Variants in IGSF11 observed in about 807,000 individuals in gnomAD.
The protein encoded by IGSF11 is CXADR like 1.
Under a neutral mutation model 41.0 loss-of-function variants are expected in IGSF11, and 22 were observed. The ratio of observed to expected loss-of-function variants is 0.54; its 90% CI spans 0.38 to 0.77. The LOEUF (loss-of-function observed/expected upper bound fraction) is 0.77, where lower values mean the gene tolerates loss of function less well. Ranked by LOEUF, IGSF11 falls within the 30% of genes least tolerant of loss-of-function variation. The pLI, the probability that IGSF11 is intolerant of heterozygous loss-of-function variation, is 0.00. For missense variants in IGSF11, 444 were observed against 530.8 expected (o/e 0.84, Z 1.61); for synonymous variants, 219 against 201.3 (o/e 1.09, Z -0.74).
chr3:119,057,322 C>A (rs1188001977), intron 1 of IGSF11, among the ~76,000 whole-genome samples: 1 of 152,106 alleles, frequency 6.6e-6, no homozygotes, highest in Non-Finnish European at 1.5e-5. Flanking sequence ...TTCTTATACA[C>A]CAATAACAGA....
chr3:119,014,594 T>C lies in IGSF11; in HGVS notation c.52+19937A>G, dbSNP rs2107700534. ...AAAAGTAACTGAAATATTGCTTAGT[T>C]TTATTATTTCACTCATGTTATTGGA... On this transcript the variant is annotated intron_variant, in intron 1 of 6. Transcript: ENST00000393775. Among the ~76,000 whole-genome samples, 3 of 152,320 alleles carry C rather than the reference T, an allele frequency of 2.0e-5. No homozygotes were observed. The Middle Eastern group carries it at 0.01, about 518-fold the overall frequency.
rs72968642 is a variant in IGSF11 at position 118,979,335 on chromosome 3, T to C, written c.53-49060A>G. On this transcript the variant is annotated intron_variant, in intron 1 of 6. Coordinates refer to ENST00000393775, the MANE Select transcript of IGSF11 (RefSeq NM_001015887.3). ...AAAAGAGAATGAGTTAGAAAAACTATTTAATAAAATAACAGATGAAAACTT... is the reference window on the plus strand; with the variant it reads ...AAAAGAGAATGAGTTAGAAAAACTACTTAATAAAATAACAGATGAAAACTT... Among the ~76,000 whole-genome samples, 761 of 152,216 alleles carry C rather than the reference T, an allele frequency of 5.0e-3. 4 individuals carry two copies. Among genetic ancestry groups the C allele is most frequent in the African/African-American group, 0.017 (716 of 41,534 alleles).
intron 1 of IGSF11, among the ~76,000 whole-genome samples, chr3:119,125,626 G>A (rs367981634): frequency 5.9e-5 from 9 of 152,246 alleles, no homozygotes; most frequent in African/African-American, 1.9e-4. Context: ...GGAATGTCAC[G>A]ATGGCCTGAC....
chr3:118,931,078 T>C (rs1264742133), intron 1 of IGSF11, among the ~76,000 whole-genome samples: 1 of 152,208 alleles, frequency 6.6e-6, no homozygotes, highest in Non-Finnish European at 1.5e-5. Flanking sequence ...TTTATATTTA[T>C]GGTCAAATGC....
chr3:118,939,867 G>A (rs1360469581), intron 1 of IGSF11, among the ~76,000 whole-genome samples: 1 of 151,978 alleles, frequency 6.6e-6, no homozygotes, highest in Non-Finnish European at 1.5e-5. Context: ...AGACAGAGTA[G>A]AATTCAATAA....
chr3:119,105,134 A>G (rs368052678), intron 1 of IGSF11: 1 of 1,584,886 alleles, frequency 6.3e-7, no homozygotes, highest in Non-Finnish European at 8.7e-7. Context: ...TCCAATGTCA[A>G]GTCACTAACC....
chr3:119,118,453 G>A (rs1184570704), intron 1 of IGSF11, among the ~76,000 whole-genome samples: 2 of 152,298 alleles, frequency 1.3e-5, no homozygotes, highest in South Asian at 2.1e-4. Flanking sequence ...GAGTGGCTGG[G>A]ATGCAAGGCA....
At chr3:118,982,301 C>A (rs1047108364) in intron 1 of IGSF11, among the ~76,000 whole-genome samples, 3 of 152,186 alleles carry the variant, frequency 2.0e-5, no homozygotes, top group Admixed American at 6.5e-5. Context: ...GAGGAAAATA[C>A]AACATCCACT....
chr3:118,989,308 A>G (rs1224235166), intron 1 of IGSF11, among the ~76,000 whole-genome samples: 1 of 152,196 alleles, frequency 6.6e-6, no homozygotes, highest in Non-Finnish European at 1.5e-5. Context: ...CCACAAGAAG[A>G]TGGCTAAATA....
chr3:119,055,513 T>C (rs1254010353), intron 1 of IGSF11, among the ~76,000 whole-genome samples: 3 of 151,794 alleles, frequency 2.0e-5, no homozygotes, highest in Non-Finnish European at 2.9e-5. Context: ...TCCTACACAG[T>C]AATAATGGGA....
intron 1 of IGSF11, among the ~76,000 whole-genome samples, chr3:119,024,238 G>C (rs1228496488): frequency 6.6e-6 from 1 of 152,020 alleles, no homozygotes; most frequent in Non-Finnish European, 1.5e-5. Flanking sequence ...TGAGGACAAC[G>C]AAATCACAAA....
At chr3:118,936,977 T>C (rs1943332951) in intron 1 of IGSF11, among the ~76,000 whole-genome samples, 1 of 152,190 alleles carries the variant, frequency 6.6e-6, no homozygotes, top group South Asian at 2.1e-4. Context: ...AGATTGAACG[T>C]TGGATGTTCA....
upstream of IGSF11, among the ~76,000 whole-genome samples, chr3:119,108,405 A>G (rs2077075570): frequency 1.4e-5 from 2 of 147,172 alleles, no homozygotes; most frequent in African/African-American, 5.0e-5. Flanking sequence ...TTATTGGTGT[A>G]TAAGAATGCT....
intron 1 of IGSF11, among the ~76,000 whole-genome samples, chr3:119,131,007 T>C (rs1158848638): frequency 6.6e-6 from 1 of 151,736 alleles, no homozygotes; most frequent in African/African-American, 2.4e-5. Context: ...AGAATCAACA[T>C]CAACAACAAA....
chr3:118,972,581 C>T (rs924715176), intron 1 of IGSF11, among the ~76,000 whole-genome samples: 1 of 152,064 alleles, frequency 6.6e-6, no homozygotes, highest in African/African-American at 2.4e-5. Flanking sequence ...ATTAATTTGC[C>T]ATTTAGAAAC....
At chr3:118,942,290 CCT>C (rs899113119) in intron 1 of IGSF11, among the ~76,000 whole-genome samples, 3 of 152,088 alleles carry the variant, frequency 2.0e-5, no homozygotes, top group African/African-American at 4.8e-5. Context: ...TGCAACTGTC[CCT>C]GTCACCAAAC....
rs145197365 is a variant in IGSF11 at position 119,023,698 on chromosome 3, T to C, written c.52+10833A>G. ...ACATGAATTAGTTCACTTGCCACAG[T>C]TGGGATAAATACAATGAAAAGGACT... On this transcript the variant is annotated intron_variant, in intron 1 of 6. Transcript: ENST00000393775. 5.2e-4 allele frequency among the ~76,000 whole-genome samples: 79 copies of C among 152,224 alleles called. No homozygotes were observed. In the East Asian group the frequency reaches 6.8e-3, roughly 13 times the overall value.
intron 4 of IGSF11, among the ~76,000 whole-genome samples, chr3:118,911,855 C>T (rs1165008505): frequency 6.6e-6 from 1 of 151,948 alleles, no homozygotes; most frequent in Non-Finnish European, 1.5e-5. Context: ...CAGTCTTCTC[C>T]CTTGTAACAT....
Position 118,902,613 on chromosome 3 carries a change from A to T in IGSF11, c.1203T>A (p.Thr401=), listed in dbSNP as rs978772436. 8.1e-6 allele frequency: 13 copies of T among 1,613,872 alleles called. No homozygotes were observed. The African/African-American group carries it at 1.2e-4, about 15-fold the overall frequency. ...TTGCGTGGCTGATGGTGTAGGAATG[A>T]GTGTGTGGAGGCCGAGGCTTCCTAC... ...SVSRKPRPPH[T]HSYTISHATL... is the part of the protein sequence containing the mutation. Residue 401 remains threonine (T), a synonymous_variant, in exon 7 of 7, where the codon ACT becomes ACA. Coordinates refer to ENST00000393775, the MANE Select transcript of IGSF11 (RefSeq NM_001015887.3).
Sources: gnomAD v4.1 joint callset for allele counts (sites outside exome capture counted in the v4.1 genomes callset) on GRCh38, gnomAD v4.1.1 for gene constraint, MANE v1.5 for transcripts, NCBI Gene and HGNC (gene_info 2026-07-23, HGNC 2026-07-21) for gene names.